ANO6: variants seen among roughly 807,000 people sequenced by gnomAD.
The protein encoded by ANO6 is anoctamin 6.
In ANO6, 106 loss-of-function variants were observed where a neutral mutation model predicts 117.5. The observed-to-expected ratio is 0.90, with a 90% confidence interval of 0.77 to 1.06. ANO6 has a LOEUF of 1.06. ANO6 is among the 50% of genes least tolerant of loss of function. The probability of loss-of-function intolerance (pLI) is 0.00; values close to 1 mark genes in which losing one functional copy is unlikely to be tolerated. For synonymous variants in ANO6, 367 were observed against 385.1 expected (o/e 0.95, Z 0.55); for missense variants, 955 against 1,121.1 (o/e 0.85, Z 2.12).
chr12:45,339,308 C>T (rs1940913709), intron 3 of ANO6, among the ~76,000 whole-genome samples: 1 of 152,104 alleles, frequency 6.6e-6, no homozygotes, highest in Non-Finnish European at 1.5e-5. Flanking sequence ...CAAGAATCTA[C>T]ATTTTAAATA....
chr12:45,409,175 G>A lies in ANO6; in HGVS notation c.1881-182G>A, dbSNP rs117367126. Among the ~76,000 whole-genome samples the A allele has an allele frequency of 2.0e-4, 31 of 152,304 alleles. No individual in the cohort carries two copies. The East Asian group carries it at 6.0e-3, about 29-fold the overall frequency. ...CTGCAGCTTTGGTAAACCCTGGTGT[G>A]TAGTCCTATTTTTCAAAATATTTTG... is the stretch of plus-strand genomic sequence containing the variant. On this transcript the variant is annotated intron_variant, in intron 15 of 19. Transcript: ENST00000320560.
At chr12:45,291,218 T>G (rs1939082649) in intron 1 of ANO6, among the ~76,000 whole-genome samples, 1 of 151,966 alleles carries the variant, frequency 6.6e-6, no homozygotes, top group Non-Finnish European at 1.5e-5. Context: ...TGGTGGTGCA[T>G]GCCTGTAATC....
At chr12:45,241,070 G>C (rs544838719) in intron 1 of ANO6, among the ~76,000 whole-genome samples, 2 of 152,146 alleles carry the variant, frequency 1.3e-5, no homozygotes, top group African/African-American at 2.4e-5. Context: ...GGTGTTCTCT[G>C]TATTCCCTGA....
intron 2 of ANO6, among the ~76,000 whole-genome samples, chr12:45,328,915 T>G (rs1466781439): frequency 6.6e-6 from 1 of 152,184 alleles, no homozygotes; most frequent in African/African-American, 2.4e-5. Context: ...TCAACTTTAT[T>G]GTTAGACAGT....
chr12:45,233,714 G>A (rs1205522244), intron 1 of ANO6, among the ~76,000 whole-genome samples: 2 of 152,068 alleles, frequency 1.3e-5, no homozygotes, highest in African/African-American at 4.8e-5. Context: ...CAGTTGTATA[G>A]CCACCACCCA....
At chr12:45,364,022 T>C (rs116151041) in intron 8 of ANO6, among the ~76,000 whole-genome samples, 1,676 of 152,356 alleles carry the variant, frequency 0.011, 29 homozygotes, top group African/African-American at 0.036. Context: ...TTTATTTATC[T>C]GGGAATGTCT....
chr12:45,301,572 G>A (rs1391113919), intron 1 of ANO6, among the ~76,000 whole-genome samples: 8 of 150,874 alleles, frequency 5.3e-5, no homozygotes, highest in East Asian at 3.9e-4. Flanking sequence ...AGCTGTGATC[G>A]TGCCACTGCA....
intron 1 of ANO6, among the ~76,000 whole-genome samples, chr12:45,245,571 G>A (rs542453473): frequency 1.3e-5 from 2 of 151,488 alleles, no homozygotes; most frequent in East Asian, 3.9e-4. Context: ...ATCTATGTCC[G>A]GTAGAAAGCA....
At chr12:45,262,421 CT>C (rs879362132) in intron 1 of ANO6, among the ~76,000 whole-genome samples, 95 of 145,800 alleles carry the variant, frequency 6.5e-4, no homozygotes, top group Middle Eastern at 3.5e-3. Flanking sequence ...ATTTCCAGAG[CT>C]TTTTTTTTTT....
intron 9 of ANO6, among the ~76,000 whole-genome samples, chr12:45,370,997 G>T (rs931045387): frequency 2.0e-5 from 3 of 152,182 alleles, no homozygotes; most frequent in African/African-American, 7.2e-5. Context: ...AGGTCAGTGG[G>T]TGCACGCACC....
intron 2 of ANO6, among the ~76,000 whole-genome samples, chr12:45,303,229 C>A (rs547035066): frequency 1.3e-5 from 2 of 152,328 alleles, no homozygotes; most frequent in Non-Finnish European, 2.9e-5. Context: ...TATTCAATGA[C>A]TTCCCTATTA....
chr12:45,221,968 G>A (rs545016229), intron 1 of ANO6, among the ~76,000 whole-genome samples: 6 of 145,080 alleles, frequency 4.1e-5, no homozygotes, highest in African/African-American at 1.3e-4. Context: ...GGCAAGCTCC[G>A]CCTCTTGGAT....
At chr12:45,299,530 A>AT (rs1165415814) in intron 1 of ANO6, among the ~76,000 whole-genome samples, 2 of 152,094 alleles carry the variant, frequency 1.3e-5, no homozygotes, top group Admixed American at 1.3e-4. Context: ...GATGTGAGGT[A>AT]TTTTTTCCTC....
chr12:45,312,633 C>A (rs552622374), intron 2 of ANO6, among the ~76,000 whole-genome samples: 8 of 152,000 alleles, frequency 5.3e-5, no homozygotes, highest in African/African-American at 1.9e-4. Flanking sequence ...CTATAAGTCT[C>A]AAATGTATTC....
chr12:45,421,576 G>C (rs760529291), intron 18 of ANO6, among the ~76,000 whole-genome samples: 41 of 152,138 alleles, frequency 2.7e-4, no homozygotes, highest in Admixed American at 4.6e-4. Flanking sequence ...TTAAAGTTGA[G>C]AGTTTCAAAC....
chr12:45,266,313 T>C (rs1022565107), intron 1 of ANO6, among the ~76,000 whole-genome samples: 3 of 152,192 alleles, frequency 2.0e-5, no homozygotes, highest in East Asian at 3.8e-4. Context: ...TTCATAAATT[T>C]GTAAAAATCT....
At chr12:45,402,476 TTC>T (rs1942817578) in intron 13 of ANO6, among the ~76,000 whole-genome samples, 1 of 152,204 alleles carries the variant, frequency 6.6e-6, no homozygotes, top group Admixed American at 6.5e-5. Context: ...AATGTGTTTC[TTC>T]TCTCTGGCTT....
At chr12:45,273,125 A>G (rs1373925448) in intron 1 of ANO6, among the ~76,000 whole-genome samples, 1 of 151,368 alleles carries the variant, frequency 6.6e-6, no homozygotes, top group Non-Finnish European at 1.5e-5. Flanking sequence ...AGAGAATAGA[A>G]CAGTGATTGC....
Position 45,360,153 on chromosome 12 carries a change from GAA to G in ANO6, c.998+2730_998+2731del, listed in dbSNP as rs375537572. Among the ~76,000 whole-genome samples, 9 of 152,308 alleles carry G rather than the reference GAA, an allele frequency of 5.9e-5. No individual in the cohort carries two copies. In the East Asian group the frequency reaches 1.7e-3, roughly 29 times the overall value. On this transcript the variant is annotated intron_variant, in intron 8 of 19. Transcript: ENST00000320560. The stretch of plus-strand genomic sequence containing the variant: ...AAGCATTTTTTATATATTTGGGATA[GAA>G]GTCTCTTATTGGATATTGTCTTAGT...
Sources: gnomAD v4.1 joint callset for allele counts (sites outside exome capture counted in the v4.1 genomes callset) on GRCh38, gnomAD v4.1.1 for gene constraint, MANE v1.5 for transcripts, NCBI Gene and HGNC (gene_info 2026-07-23, HGNC 2026-07-21) for gene names.